The following COL13A1 variants were observed in gnomAD, a reference collection of about 807,000 sequenced individuals.
COL13A1 encodes the protein collagen alpha-1(XIII) chain.
COL13A1 carries 89 observed loss-of-function variants against 130.9 expected under a neutral mutation model. The observed-to-expected ratio is 0.68, with a 90% CI of 0.57 to 0.81. The LOEUF (loss-of-function observed/expected upper bound fraction) is 0.81, where lower values mean the gene tolerates loss of function less well. Ranked by LOEUF, COL13A1 falls within the 30% of genes least tolerant of loss-of-function variation. The probability of loss-of-function intolerance (pLI) is 0.00; values close to 1 mark genes in which losing one functional copy is unlikely to be tolerated. For synonymous variants in COL13A1, 402 were observed against 341.6 expected, an observed-to-expected ratio of 1.18 and a Z score of -1.95; for missense variants, 879 against 934.6, an observed-to-expected ratio of 0.94 and a Z score of 0.78.
chr10:69,956,975 G>A (rs1172901019), intron 39 of COL13A1, 29 bp from the exon 40 acceptor site: 4 of 1,609,614 alleles, frequency 2.5e-6, no homozygotes, highest in Non-Finnish European at 3.4e-6. Flanking sequence ...CAGGAAGTCT[G>A]AGCCCTCTGC....
At position 69,859,900 on chromosome 10, in the gene COL13A1, T is replaced by A. The variant is rs1033758576; in HGVS notation, c.365-7898T>A. Among the ~76,000 whole-genome samples, 7 of 152,236 alleles carry A rather than the reference T, an allele frequency of 4.6e-5. 1 individual carries two copies. In the South Asian group the frequency reaches 1.2e-3, roughly 27 times the overall value. On this transcript the variant is annotated intron_variant, in intron 2 of 40. Transcript: ENST00000645393. ...GACTCCTACTCCAGCCTTTCAGGGC[T>A]GTTTTGTGGCTCAAATGGGAAAAGG...
chr10:69,956,859 T>C, intron 39 of COL13A1, 145 bp from the exon 40 acceptor site: 1 of 656,056 alleles, frequency 1.5e-6, no homozygotes, highest in Non-Finnish European at 2.8e-6. Context: ...TTCTGACCTG[T>C]AGTAGAGAAA....
At chr10:69,860,569 GA>G (rs1857726314) in intron 2 of COL13A1, 1 of 156,476 alleles carries the variant, frequency 6.4e-6, no homozygotes, top group Non-Finnish European at 1.4e-5. Flanking sequence ...CATTCACCCA[GA>G]ATTACAGCTG....
At chr10:69,832,550 G>A (rs1474217483) in intron 2 of COL13A1, among the ~76,000 whole-genome samples, 1 of 152,234 alleles carries the variant, frequency 6.6e-6, no homozygotes, top group East Asian at 1.9e-4. Flanking sequence ...TATGGGAGGG[G>A]AGTTGGACTG....
At chr10:69,926,808 TC>T (rs1487005714) in intron 26 of COL13A1, among the ~76,000 whole-genome samples, 1 of 152,166 alleles carries the variant, frequency 6.6e-6, no homozygotes, top group Non-Finnish European at 1.5e-5. Context: ...AAGGTTGCAG[TC>T]CATTTAGGGT....
intron 1 of COL13A1, among the ~76,000 whole-genome samples, chr10:69,805,926 A>AT (rs1449420900): frequency 6.6e-6 from 1 of 152,256 alleles, no homozygotes; most frequent in Non-Finnish European, 1.5e-5. Flanking sequence ...CCCTGTCCTC[A>AT]TGGGGCACAC....
rs1017970830 is a variant in COL13A1 at position 69,936,802 on chromosome 10, C to T, written c.1797+20C>T. ...CCAAAGGTAAGGAGAAGTCACATGA[C>T]AGGCGCTGTGTCAGTGCTAGTAGAA... On this transcript the variant is annotated intron_variant, in intron 33 of 40. Coordinates refer to ENST00000645393, the MANE Select transcript of COL13A1 (RefSeq NM_001368882.1). The T allele has an allele frequency of 6.2e-7, 1 of 1,613,876 alleles. No homozygotes were observed.
chr10:69,849,155 C>T (rs1166873530), intron 2 of COL13A1, among the ~76,000 whole-genome samples: 1 of 152,242 alleles, frequency 6.6e-6, no homozygotes, highest in East Asian at 1.9e-4. Context: ...TATCACAGTG[C>T]TTACAGAGAA....
chr10:69,815,318 G>T (rs1467554791), intron 1 of COL13A1, among the ~76,000 whole-genome samples: 1 of 152,164 alleles, frequency 6.6e-6, no homozygotes, highest in Admixed American at 6.5e-5. Flanking sequence ...CACATTCTCT[G>T]GGGGGAGTGA....
intron 2 of COL13A1, among the ~76,000 whole-genome samples, chr10:69,837,916 C>T (rs1021181138): frequency 6.6e-6 from 1 of 152,210 alleles, no homozygotes; most frequent in Non-Finnish European, 1.5e-5. Context: ...AGCATTTGCC[C>T]ACCTTAAAAG....
intron 13 of COL13A1, among the ~76,000 whole-genome samples, chr10:69,895,903 C>T (rs1477250795): frequency 6.6e-6 from 1 of 152,174 alleles, no homozygotes; most frequent in Non-Finnish European, 1.5e-5. Flanking sequence ...GGCTGCTCTG[C>T]ACATGGCCCC....
At chr10:69,870,219 T>A (rs943439742) in intron 3 of COL13A1, among the ~76,000 whole-genome samples, 3 of 152,096 alleles carry the variant, frequency 2.0e-5, no homozygotes, top group African/African-American at 7.2e-5. Context: ...ATTCATTTAA[T>A]CCTAAAAGCA....
In COL13A1 at chr10:69,910,116, A is replaced by G. The variant is rs1201150347; in HGVS notation, c.921+4294A>G. On this transcript the variant is annotated intron_variant, in intron 17 of 40. Coordinates refer to ENST00000645393, the MANE Select transcript of COL13A1 (RefSeq NM_001368882.1). ...TACTAATGGTTTCTTTGGGATGTGG[A>G]GGGCTGTCCCCCTACCTCCCTTCTA... is the stretch of plus-strand genomic sequence containing the variant. Among the ~76,000 whole-genome samples the G allele has an allele frequency of 3.3e-5, 5 of 152,246 alleles. 1 individual carries two copies. Among genetic ancestry groups the G allele is most frequent in the Non-Finnish European group, 2.9e-5 (2 of 68,012 alleles).
chr10:69,896,680 A>G (rs2061676598), intron 13 of COL13A1, among the ~76,000 whole-genome samples: 1 of 152,144 alleles, frequency 6.6e-6, no homozygotes, highest in African/African-American at 2.4e-5. Context: ...GGCAGGCCTG[A>G]GGTCTGGGTT....
intron 2 of COL13A1, among the ~76,000 whole-genome samples, chr10:69,861,532 C>G (rs901442383): frequency 5.1e-4 from 78 of 152,176 alleles, no homozygotes; most frequent in African/African-American, 1.8e-3. Context: ...CTGGGGAGTC[C>G]AGGACACCCA....
chr10:69,921,231 G>A (rs997738540), intron 21 of COL13A1, among the ~76,000 whole-genome samples: 1 of 152,108 alleles, frequency 6.6e-6, no homozygotes, highest in East Asian at 1.9e-4. Flanking sequence ...GCTTATAGAC[G>A]TATCACCCCA....
chr10:69,859,252 ATTCCTT>A (rs879864061), intron 2 of COL13A1, among the ~76,000 whole-genome samples: 32,722 of 151,858 alleles, frequency 0.22, 1,355 homozygotes, highest in East Asian at 0.44. Flanking sequence ...GGGTTTTGCC[ATTCCTT>A]TTAATGGCAA....
intron 38 of COL13A1, among the ~76,000 whole-genome samples, chr10:69,951,734 G>A (rs1254322265): frequency 6.6e-6 from 1 of 152,178 alleles, no homozygotes; most frequent in African/African-American, 2.4e-5. Context: ...GCTCAAAGAA[G>A]TAACTTCACA....
chr10:69,942,990 G>A (rs1483097082), intron 35 of COL13A1, among the ~76,000 whole-genome samples: 1 of 152,212 alleles, frequency 6.6e-6, no homozygotes, highest in Non-Finnish European at 1.5e-5. Flanking sequence ...TGGGATTACA[G>A]GCACCCACCA....
Sources: gnomAD v4.1 joint callset for allele counts (sites outside exome capture counted in the v4.1 genomes callset) on GRCh38, gnomAD v4.1.1 for gene constraint, MANE v1.5 for transcripts, NCBI Gene and HGNC (gene_info 2026-07-23, HGNC 2026-07-21) for gene names.